Variants in NARS2 observed in about 807,000 individuals in gnomAD.
NARS2 encodes asparaginyl-tRNA synthetase.
A neutral mutation model predicts 62.9 loss-of-function variants in NARS2; 60 were observed. The ratio of observed to expected loss-of-function variants is 0.95; its 90% CI spans 0.77 to 1.18. NARS2 has a LOEUF of 1.18. NARS2 is among the 50% of genes most tolerant of loss of function. The probability of loss-of-function intolerance (pLI) is 0.00; values close to 1 mark genes in which losing one functional copy is unlikely to be tolerated. For missense variants in NARS2, 619 were observed against 576.4 expected (o/e 1.07, Z -0.76); for synonymous variants, 196 against 200.0 (o/e 0.98, Z 0.17).
At chr11:78,454,437 T>C (rs1390681929) in intron 11 of NARS2, among the ~76,000 whole-genome samples, 1 of 152,136 alleles carries the variant, frequency 6.6e-6, no homozygotes, top group African/African-American at 2.4e-5. Flanking sequence ...CAGACTGACA[T>C]CGCTTCCCTT....
intron 5 of NARS2, among the ~76,000 whole-genome samples, chr11:78,540,840 G>A (rs1416563017): frequency 3.3e-5 from 5 of 152,084 alleles, no homozygotes; most frequent in African/African-American, 1.2e-4. Flanking sequence ...TGCCTTTCAC[G>A]ATACAGATAG....
chr11:78,490,032 C>T (rs1859749329), intron 7 of NARS2, among the ~76,000 whole-genome samples: 1 of 152,138 alleles, frequency 6.6e-6, no homozygotes. Flanking sequence ...GAGTGAGACC[C>T]TGCCTCAAAA....
intron 6 of NARS2, among the ~76,000 whole-genome samples, chr11:78,507,895 C>T (rs1279350323): frequency 6.6e-6 from 1 of 152,004 alleles, no homozygotes; most frequent in East Asian, 1.9e-4. Context: ...AAAATAAATC[C>T]ACAGAAATTG....
intron 10 of NARS2, among the ~76,000 whole-genome samples, chr11:78,468,005 G>A (rs1462424054): frequency 1.3e-5 from 2 of 149,006 alleles, no homozygotes; most frequent in Admixed American, 6.7e-5. Context: ...TACCACACCC[G>A]GCCTATACAA....
chr11:78,510,816 T>G (rs1860694569), intron 6 of NARS2, among the ~76,000 whole-genome samples: 1 of 152,188 alleles, frequency 6.6e-6, no homozygotes, highest in South Asian at 2.1e-4. Flanking sequence ...GGTATATCCA[T>G]TCAGTGGGAT....
At position 78,436,168 on chromosome 11, in the gene NARS2, A is replaced by C. The variant is rs1312620987; in HGVS notation, c.*502T>G. On this transcript the variant is annotated 3_prime_UTR_variant, in exon 14 of 14. Coordinates refer to ENST00000281038, the MANE Select transcript of NARS2 (RefSeq NM_024678.6). ...TCAATTCAGAATAGCTACTTCTTTA[A>C]ATCAATTAAGACCTTAAGGAATATT... 5.9e-5 allele frequency: 9 copies of C among 152,394 alleles called. No homozygotes were observed. Among genetic ancestry groups the C allele is most frequent in the Admixed American group, 5.9e-4 (9 of 15,282 alleles). The allele number at this position is 152,394 out of a possible 1,614,324, so 9.4% of individuals were successfully genotyped here. A position where few individuals can be genotyped will look rare whatever the true frequency, so the allele number is the denominator to read the frequency against.
In NARS2 at chr11:78,469,279, G is replaced by T. The variant is rs1449564716; in HGVS notation, c.994C>A (p.Gln332Lys). 6.2e-7 allele frequency: 1 copy of T among 1,613,030 alleles called. No individual in the cohort carries two copies. Among genetic ancestry groups the T allele is most frequent in the African/African-American group, 1.3e-5 (1 of 74,840 alleles). Reference protein sequence around the residue: ...SYTEAVEILKQASQNFTFTPE... With the variant: ...SYTEAVEILKKASQNFTFTPE... The stretch of plus-strand genomic sequence containing the variant: ...GTAAAGGTGAAGTTCTGGGATGCTT[G>T]CTTTAAGATCTCCACTGCTTCAGTA... The change falls in exon 10 of 14, where the codon CAA (glutamine) becomes AAA (lysine). Residue 332 changes from glutamine to lysine, a missense_variant. Coordinates refer to ENST00000281038, the MANE Select transcript of NARS2 (RefSeq NM_024678.6).
At chr11:78,492,974 C>A in intron 7 of NARS2, 89 bp downstream of exon 7, 1 of 1,158,096 alleles carries the variant, frequency 8.6e-7, no homozygotes, top group Non-Finnish European at 1.2e-6. Flanking sequence ...TTTATGAATA[C>A]CTGTAACACA....
chr11:78,443,854 T>G, intron 11 of NARS2, 96 bp from the exon 12 acceptor site: 1 of 780,276 alleles, frequency 1.3e-6, no homozygotes, highest in South Asian at 1.5e-5. Context: ...TGGCAATGGC[T>G]AATTAACTAC....
At chr11:78,492,934 G>A (rs1859887626) in intron 7 of NARS2, 129 bp downstream of exon 7, 2 of 733,890 alleles carry the variant, frequency 2.7e-6, no homozygotes, top group Admixed American at 2.8e-5. Context: ...TTCAATAAGT[G>A]TTTATTAAGT....
In NARS2 at chr11:78,524,617, T is replaced by C. The variant is rs191084524; in HGVS notation, c.689+4225A>G. 2.3e-3 allele frequency among the ~76,000 whole-genome samples: 346 copies of C among 152,196 alleles called. 2 individuals carry two copies. The highest frequency in any genetic ancestry group is 3.6e-3 in the Non-Finnish European group (248 of 67,960). On this transcript the variant is annotated intron_variant, in intron 6 of 13. Transcript: ENST00000281038. ...TTTACAATTTAAATCTCTCTTGGAA[T>C]GAACTTACCACTTATAAATTATATT...
At chr11:78,507,214 T>C (rs997442239) in intron 6 of NARS2, among the ~76,000 whole-genome samples, 1 of 140,472 alleles carries the variant, frequency 7.1e-6, no homozygotes, top group African/African-American at 2.6e-5. Flanking sequence ...TCCACTTCAT[T>C]TTTCTTTTAT....
chr11:78,438,401 C>A (rs1381278687), intron 13 of NARS2, among the ~76,000 whole-genome samples: 2 of 152,106 alleles, frequency 1.3e-5, no homozygotes, highest in Admixed American at 1.3e-4. Flanking sequence ...GGAAAGAGTA[C>A]ACTTTGACTC....
intron 7 of NARS2, among the ~76,000 whole-genome samples, chr11:78,481,072 C>G (rs1191841371): frequency 6.6e-6 from 1 of 152,156 alleles, no homozygotes; most frequent in African/African-American, 2.4e-5. Flanking sequence ...CCACCTGCCT[C>G]AGTCTCCCAA....
chr11:78,540,065 T>C (rs1855552891), intron 5 of NARS2, among the ~76,000 whole-genome samples: 1 of 152,180 alleles, frequency 6.6e-6, no homozygotes, highest in Non-Finnish European at 1.5e-5. Flanking sequence ...ATATAAAACT[T>C]ACGTTAGTGC....
At chr11:78,494,382 T>A (rs1859964814) in intron 6 of NARS2, among the ~76,000 whole-genome samples, 1 of 152,030 alleles carries the variant, frequency 6.6e-6, no homozygotes, top group Non-Finnish European at 1.5e-5. Flanking sequence ...GCACACCTAA[T>A]CTGTCATTTA....
intron 5 of NARS2, among the ~76,000 whole-genome samples, chr11:78,542,040 T>C (rs554652363): frequency 6.6e-6 from 1 of 152,342 alleles, no homozygotes; most frequent in South Asian, 2.1e-4. Flanking sequence ...TTCCACTTGC[T>C]ACAAATGTGT....
At chr11:78,506,575 C>T (rs1233319016) in intron 6 of NARS2, among the ~76,000 whole-genome samples, 1 of 152,152 alleles carries the variant, frequency 6.6e-6, no homozygotes, top group African/African-American at 2.4e-5. Context: ...CGCTCTGTTG[C>T]CCAGGCTGGA....
At chr11:78,516,703 G>T (rs1860925151) in intron 6 of NARS2, among the ~76,000 whole-genome samples, 1 of 152,146 alleles carries the variant, frequency 6.6e-6, no homozygotes, top group Non-Finnish European at 1.5e-5. Flanking sequence ...AGAGGAACAA[G>T]ATACAGATTA....
Sources: allele counts gnomAD v4.1 joint callset (sites outside exome capture counted in the v4.1 genomes callset), GRCh38; gene constraint gnomAD v4.1.1; transcripts MANE v1.5; gene names NCBI Gene and HGNC (gene_info 2026-07-23, HGNC 2026-07-21).